Variants in UGT1A6 observed in about 807,000 individuals in gnomAD.
UGT1A6 encodes UDP-glucuronosyltransferase 1A6.
In UGT1A6, 32 loss-of-function variants were observed where a neutral mutation model predicts 44.4. The observed-to-expected ratio is 0.72, with a 90% CI of 0.54 to 0.97. The LOEUF is 0.97. Among genes scored for constraint, UGT1A6 ranks in the 50% least tolerant of loss-of-function variants. UGT1A6 has a pLI of 0.00. For synonymous variants in UGT1A6, 238 were observed against 248.5 expected (o/e 0.96, Z 0.40); for missense variants, 685 against 661.9 (o/e 1.03, Z -0.38).
At chr2:233,720,954 GC>G (rs1192605512) in intron 1 of UGT1A6, among the ~76,000 whole-genome samples, 1 of 149,064 alleles carries the variant, frequency 6.7e-6, no homozygotes, top group Non-Finnish European at 1.5e-5. Flanking sequence ...CATGTGATCT[GC>G]CCGCCTCGGC....
chr2:233,704,871 C>T (rs2075811084), intron 1 of UGT1A6, among the ~76,000 whole-genome samples: 1 of 152,170 alleles, frequency 6.6e-6, no homozygotes, highest in African/African-American at 2.4e-5. Context: ...CGGTGGCTCA[C>T]TCCTGTAATC....
chr2:233,720,113 A>G (rs1489056833), intron 1 of UGT1A6, among the ~76,000 whole-genome samples: 1 of 152,208 alleles, frequency 6.6e-6, no homozygotes, highest in African/African-American at 2.4e-5. Flanking sequence ...CTTGCGAAAG[A>G]TACAGAGGTG....
chr2:233,734,975 A>G (rs1254918242), intron 1 of UGT1A6, among the ~76,000 whole-genome samples: 1 of 152,228 alleles, frequency 6.6e-6, no homozygotes, highest in Non-Finnish European at 1.5e-5. Context: ...TGGTGCTGAG[A>G]AGAATGTATA....
At position 233,772,593 on chromosome 2, in the gene UGT1A6, C is replaced by G; in HGVS notation, c.*34C>G. On this transcript the variant is annotated 3_prime_UTR_variant, in exon 5 of 5. Transcript: ENST00000305139. The stretch of plus-strand genomic sequence containing the variant: ...TGGGAAATAAGGTAAAATTTTGAAC[C>G]ATTCCCTAGTCATTTCCAAACTTGA... The G allele has an allele frequency of 6.3e-7, 1 of 1,598,604 alleles. No individual in the cohort carries two copies. The highest frequency in any genetic ancestry group is 8.5e-7 in the Non-Finnish European group (1 of 1,171,794).
intron 1 of UGT1A6, among the ~76,000 whole-genome samples, chr2:233,712,404 C>G (rs2076232549): frequency 6.6e-6 from 1 of 152,176 alleles, no homozygotes; most frequent in Admixed American, 6.5e-5. Flanking sequence ...AGAGAGTCCT[C>G]TTTGAGCTTT....
At chr2:233,755,453 T>A (rs1392430727) in intron 1 of UGT1A6, 2 of 305,122 alleles carry the variant, frequency 6.6e-6, no homozygotes, top group Non-Finnish European at 1.3e-5. Context: ...CTCCTGGGAC[T>A]GGCCCTGCTC....
chr2:233,742,496 A>G (rs376180640), intron 1 of UGT1A6, among the ~76,000 whole-genome samples: 4 of 151,946 alleles, frequency 2.6e-5, no homozygotes, highest in Admixed American at 1.3e-4. Context: ...CATAGGCATC[A>G]TGGCTATCAT....
At chr2:233,757,089 G>A (rs553473050) in intron 1 of UGT1A6, among the ~76,000 whole-genome samples, 2 of 151,514 alleles carry the variant, frequency 1.3e-5, no homozygotes, top group African/African-American at 4.8e-5. Flanking sequence ...AGGGTAAGAG[G>A]CAGAGGGAGG....
At chr2:233,741,386 A>C (rs1288438490) in intron 1 of UGT1A6, 1 of 151,760 alleles carries the variant, frequency 6.6e-6, no homozygotes, top group Non-Finnish European at 1.5e-5. Flanking sequence ...CCTTTCTACC[A>C]CTTTGAAACT....
chr2:233,723,002 G>A (rs1315511515), intron 1 of UGT1A6, among the ~76,000 whole-genome samples: 4 of 146,840 alleles, frequency 2.7e-5, no homozygotes, highest in Non-Finnish European at 4.5e-5. Context: ...GGCAGAGGCA[G>A]AAGAGGATGA....
At chr2:233,756,295 GTA>G (rs1308500141) in intron 1 of UGT1A6, 2 of 152,134 alleles carry the variant, frequency 1.3e-5, no homozygotes, top group Non-Finnish European at 2.9e-5. Context: ...CACAGTATTT[GTA>G]TATAACCTAC....
At chr2:233,770,952 GA>G (rs1289547688) in intron 4 of UGT1A6, 4 of 152,160 alleles carry the variant, frequency 2.6e-5, no homozygotes, top group African/African-American at 9.7e-5. Context: ...GAACCTCAGG[GA>G]GCTTTTACTC....
chr2:233,696,415 T>C (rs2075342407), intron 1 of UGT1A6, among the ~76,000 whole-genome samples: 1 of 152,248 alleles, frequency 6.6e-6, no homozygotes, highest in Admixed American at 6.5e-5. Context: ...GTTGATTTCC[T>C]TTTCAGTTTT....
At chr2:233,756,537 A>T (rs1326089003) in intron 1 of UGT1A6, among the ~76,000 whole-genome samples, 8 of 152,122 alleles carry the variant, frequency 5.3e-5, no homozygotes, top group Non-Finnish European at 1.2e-4. Context: ...ACTTTTCTTG[A>T]CTGCTAAAAC....
rs759077293 is a variant in UGT1A6, at chr2:233,769,522, C to T, written c.1301+1083C>T. On this transcript the variant is annotated intron_variant, in intron 4 of 4. Transcript: ENST00000305139. The surrounding 1 kb of genome is among the most constrained non-coding windows in gnomAD (Gnocchi z 4.4). ...GTCCATTGCTTTCTCCCATGGTTAC[C>T]TCCTTTAGAAAGAAGCAGCAGTCAG... 1.2e-6 allele frequency: 2 copies of T among 1,612,844 alleles called. No individual in the cohort carries two copies. The highest frequency in any genetic ancestry group is 1.7e-6 in the Non-Finnish European group (2 of 1,179,866).
intron 1 of UGT1A6, among the ~76,000 whole-genome samples, chr2:233,757,777 G>A (rs1409053330): frequency 6.6e-6 from 1 of 151,782 alleles, no homozygotes; most frequent in African/African-American, 2.4e-5. Flanking sequence ...TAATAAGCCT[G>A]TCATTCTGAT....
chr2:233,693,522 G>C lies in UGT1A6; in HGVS notation c.518G>C (p.Gly173Ala). The change falls in exon 1 of 5, where the codon GGT (glycine) becomes GCT (alanine). Residue 173 changes from glycine (G) to alanine (A), a missense_variant. Coordinates refer to ENST00000305139, the MANE Select transcript of UGT1A6 (RefSeq NM_001072.4). Reference sequence around the variant, plus strand: ...CTACCATCTGTGTACCTCTTCAGGGGTTTTCCGTGTTCCCTGGAGCATACA... The same window carrying C: ...CTACCATCTGTGTACCTCTTCAGGGCTTTTCCGTGTTCCCTGGAGCATACA... Reference protein sequence around the residue: ...LGLPSVYLFRGFPCSLEHTFS... With the variant: ...LGLPSVYLFRAFPCSLEHTFS... 6.2e-7 allele frequency: 1 copy of C among 1,614,162 alleles called. No individual in the cohort carries two copies. The highest frequency in any genetic ancestry group is 8.5e-7 in the Non-Finnish European group (1 of 1,180,018).
Position 233,773,228 on chromosome 2 carries a change from T to C in UGT1A6, c.*669T>C, listed in dbSNP as rs570239690. The C allele has an allele frequency of 6.6e-6, 1 of 152,468 alleles. No homozygotes were observed. The highest frequency in any genetic ancestry group is 2.4e-5 in the African/African-American group (1 of 41,574). 9.4% of individuals were successfully genotyped at this position (152,468 alleles called of 1,614,324 possible). A position where few individuals can be genotyped will look rare whatever the true frequency, so the allele number is the denominator to read the frequency against. ...AAAAACCCAAAATACAGCTATGAAG[T>C]GCTGGGCAAGTTTACTTTTTTTCTG... On this transcript the variant is annotated 3_prime_UTR_variant, in exon 5 of 5. Coordinates refer to ENST00000305139, the MANE Select transcript of UGT1A6 (RefSeq NM_001072.4).
At chr2:233,709,315 A>AT (rs1229942290) in intron 1 of UGT1A6, among the ~76,000 whole-genome samples, 1 of 152,156 alleles carries the variant, frequency 6.6e-6, no homozygotes, top group Non-Finnish European at 1.5e-5. Context: ...TAGATGTCAG[A>AT]TTTTTTGTTA....
Sources: gnomAD v4.1 joint callset for allele counts (sites outside exome capture counted in the v4.1 genomes callset) on GRCh38, gnomAD v4.1.1 for gene constraint, Gnocchi (gnomAD v3.1) non-coding constraint, MANE v1.5 for transcripts, NCBI Gene and HGNC (gene_info 2026-07-23, HGNC 2026-07-21) for gene names.